Variants in STX17 observed in about 807,000 individuals in gnomAD.
STX17 encodes the protein syntaxin-17.
Under a neutral mutation model 35.9 loss-of-function variants are expected in STX17, and 29 were observed. The ratio of observed to expected loss-of-function variants is 0.81; its 90% CI spans 0.60 to 1.10. STX17 has a LOEUF of 1.10. Ranked by LOEUF, STX17 falls within the 50% of genes least tolerant of loss-of-function variation. STX17 has a pLI of 0.00. For missense variants in STX17, 312 were observed against 352.3 expected (o/e 0.89, Z 0.92); for synonymous variants, 92 against 118.3 (o/e 0.78, Z 1.44).
intron 3 of STX17, among the ~76,000 whole-genome samples, chr9:99,937,457 G>A (rs1829259809): frequency 6.6e-6 from 1 of 152,042 alleles, no homozygotes; most frequent in African/African-American, 2.4e-5. Context: ...TTTTATCTGT[G>A]TGTTTTATTT....
At chr9:99,909,992 G>A (rs1457783298) in intron 1 of STX17, among the ~76,000 whole-genome samples, 1 of 152,120 alleles carries the variant, frequency 6.6e-6, no homozygotes, top group African/African-American at 2.4e-5. Context: ...TAGCACTTTG[G>A]GAGGCCGAGG....
rs1394087591 is a variant in STX17 at position 99,951,299 on chromosome 9, C to G, written c.415+14C>G. The G allele has an allele frequency of 3.1e-6, 5 of 1,608,824 alleles. No individual in the cohort carries two copies. Among genetic ancestry groups the G allele is most frequent in the Non-Finnish European group, 4.3e-6 (5 of 1,176,144 alleles). On this transcript the variant is annotated intron_variant, in intron 4 of 7. Transcript: ENST00000259400. ...TGACTGTTGGTGGTAATGTATTGTG[C>G]TAAGTCTTATTCTCAGTCACAGTAG...
intron 6 of STX17, among the ~76,000 whole-genome samples, chr9:99,963,811 T>G (rs1829868553): frequency 6.6e-6 from 1 of 152,186 alleles, no homozygotes; most frequent in Non-Finnish European, 1.5e-5. Context: ...AATCACTTAT[T>G]TTGCCTATAT....
intron 4 of STX17, among the ~76,000 whole-genome samples, chr9:99,957,061 G>A (rs1016051395): frequency 6.6e-6 from 1 of 152,152 alleles, no homozygotes; most frequent in Admixed American, 6.6e-5. Context: ...GGCCCCTCCT[G>A]ACCATCTGTA....
chr9:99,918,406 G>A (rs1157545917), intron 2 of STX17, among the ~76,000 whole-genome samples: 1 of 152,096 alleles, frequency 6.6e-6, no homozygotes, highest in Non-Finnish European at 1.5e-5. Flanking sequence ...AAAGTGCTAG[G>A]ATTACGGATG....
intron 2 of STX17, among the ~76,000 whole-genome samples, chr9:99,924,443 C>A (rs1828950567): frequency 6.6e-6 from 1 of 151,840 alleles, no homozygotes; most frequent in Admixed American, 6.6e-5. Flanking sequence ...TCACGGACAC[C>A]ATCAGTTAAT....
chr9:99,932,177 C>A (rs970997635), intron 3 of STX17, among the ~76,000 whole-genome samples: 1 of 152,142 alleles, frequency 6.6e-6, no homozygotes, highest in Non-Finnish European at 1.5e-5. Flanking sequence ...AATCTAGAGT[C>A]AGTTGCTCCA....
chr9:99,956,646 T>G (rs1829716762), intron 4 of STX17, among the ~76,000 whole-genome samples: 1 of 152,252 alleles, frequency 6.6e-6, no homozygotes, highest in Non-Finnish European at 1.5e-5. Flanking sequence ...TTTGCCATAC[T>G]GTTTTAATGT....
chr9:99,917,511 C>T (rs1752540740), intron 2 of STX17, among the ~76,000 whole-genome samples: 1 of 152,140 alleles, frequency 6.6e-6, no homozygotes, highest in Non-Finnish European at 1.5e-5. Flanking sequence ...AGAAGAAAGT[C>T]AGACTGAAGG....
At chr9:99,907,706 G>A (rs1239065238) in intron 1 of STX17, among the ~76,000 whole-genome samples, 2 of 152,088 alleles carry the variant, frequency 1.3e-5, no homozygotes, top group Non-Finnish European at 2.9e-5. Flanking sequence ...AGTTTCAAAA[G>A]TAATACAGAG....
intron 2 of STX17, among the ~76,000 whole-genome samples, chr9:99,917,700 T>TA (rs938997749): frequency 1.3e-5 from 2 of 152,204 alleles, no homozygotes; most frequent in African/African-American, 2.4e-5. Flanking sequence ...TTGGCTAATG[T>TA]AAGATAGACT....
intron 4 of STX17, among the ~76,000 whole-genome samples, chr9:99,952,707 AT>A (rs1829627371): frequency 6.6e-6 from 1 of 152,178 alleles, no homozygotes; most frequent in African/African-American, 2.4e-5. Flanking sequence ...GCCATAAAAA[AT>A]GATGAGTTCA....
chr9:99,925,637 T>G (rs1310258570), intron 2 of STX17, among the ~76,000 whole-genome samples: 1 of 152,158 alleles, frequency 6.6e-6, no homozygotes, highest in African/African-American at 2.4e-5. Context: ...AATTCTAGGT[T>G]GCATTTTCTG....
chr9:99,970,974 A>G lies in STX17; in HGVS notation c.*2301A>G, dbSNP rs148637846. On this transcript the variant is annotated 3_prime_UTR_variant, in exon 8 of 8. Transcript: ENST00000259400. ...CTCATCAGGATTGGAATATTACTCT[A>G]GCAGTCTTCACACATAGGCAAGTTA... 1.4e-3 allele frequency among the ~76,000 whole-genome samples: 218 copies of G among 152,340 alleles called. No individual in the cohort carries two copies. Among genetic ancestry groups the G allele is most frequent in the African/African-American group, 5.1e-3 (211 of 41,574 alleles).
rs550245214 is a variant in STX17, at chr9:99,974,021, G to C, written c.*5348G>C. ...CTATATTACTTTATAATAGTCAGCT[G>C]GGGGTTATTTAAGCTCTTGGACGAG... On this transcript the variant is annotated 3_prime_UTR_variant, in exon 8 of 8. Transcript: ENST00000259400. Among the ~76,000 whole-genome samples the C allele has an allele frequency of 5.2e-4, 79 of 152,272 alleles. No individual in the cohort carries two copies. The highest frequency in any genetic ancestry group is 3.4e-3 in the Middle Eastern group (1 of 294).
intron 3 of STX17, among the ~76,000 whole-genome samples, chr9:99,941,180 A>G (rs1003105265): frequency 6.6e-6 from 1 of 152,244 alleles, no homozygotes; most frequent in Non-Finnish European, 1.5e-5. Context: ...TTTGCAAAGT[A>G]TTAAGAAAGC....
At chr9:99,956,168 G>A (rs1216963027) in intron 4 of STX17, among the ~76,000 whole-genome samples, 1 of 152,120 alleles carries the variant, frequency 6.6e-6, no homozygotes. Context: ...AGATGCATAC[G>A]TAGTTTGGTT....
At chr9:99,916,001 T>C (rs1266127817) in intron 2 of STX17, 4 of 455,042 alleles carry the variant, frequency 8.8e-6, no homozygotes, top group Admixed American at 2.4e-5. Context: ...CCATGGCAAG[T>C]TTTTGAACTT....
At chr9:99,937,694 A>G (rs1021665453) in intron 3 of STX17, among the ~76,000 whole-genome samples, 1 of 152,132 alleles carries the variant, frequency 6.6e-6, no homozygotes, top group East Asian at 1.9e-4. Flanking sequence ...ACTAATGCTT[A>G]TATCTATGGC....
Sources: allele counts gnomAD v4.1 joint callset (sites outside exome capture counted in the v4.1 genomes callset), GRCh38; gene constraint gnomAD v4.1.1; transcripts MANE v1.5; gene names NCBI Gene and HGNC (gene_info 2026-07-23, HGNC 2026-07-21).